ZDHHC14: variants seen among roughly 807,000 people sequenced by gnomAD.
The protein encoded by ZDHHC14 is palmitoyltransferase ZDHHC14.
A neutral mutation model predicts 47.7 loss-of-function variants in ZDHHC14; 16 were observed. That is an observed-to-expected ratio of 0.34 (90% CI 0.23 to 0.51). ZDHHC14 has a LOEUF of 0.51. Among genes scored for constraint, ZDHHC14 ranks in the 20% least tolerant of loss-of-function variants. The pLI, the probability that ZDHHC14 is intolerant of heterozygous loss-of-function variation, is 0.97. For missense variants in ZDHHC14, 515 were observed against 662.5 expected (o/e 0.78, Z 2.44); for synonymous variants, 293 against 278.9 (o/e 1.05, Z -0.50).
intron 1 of ZDHHC14, among the ~76,000 whole-genome samples, chr6:157,450,823 T>A (rs1235137188): frequency 6.6e-6 from 1 of 152,252 alleles, no homozygotes; most frequent in African/African-American, 2.4e-5. Flanking sequence ...ATATTATCTA[T>A]GAAATTCTTC....
At position 157,523,823 on chromosome 6, in the gene ZDHHC14, C is replaced by T. The variant is rs187005369; in HGVS notation, c.246-18762C>T. On this transcript the variant is annotated intron_variant, in intron 1 of 8. Transcript: ENST00000359775. ...GGCTGAGGTGGGAGGATTGCTTGAG[C>T]GCAAGAAATGGGGGCTGCAGTGGGC... Among the ~76,000 whole-genome samples the T allele has an allele frequency of 7.9e-5, 12 of 152,044 alleles. No homozygotes were observed. The South Asian group carries it at 8.3e-4, about 11-fold the overall frequency.
chr6:157,617,092 A>G (rs1562510371), intron 3 of ZDHHC14, among the ~76,000 whole-genome samples: 1 of 152,230 alleles, frequency 6.6e-6, no homozygotes, highest in Non-Finnish European at 1.5e-5. Flanking sequence ...GAATCTGAGC[A>G]TATACAGGGG....
intron 1 of ZDHHC14, among the ~76,000 whole-genome samples, chr6:157,478,628 A>G (rs1237397136): frequency 6.6e-6 from 1 of 152,194 alleles, no homozygotes; most frequent in East Asian, 1.9e-4. Context: ...GAGGGGTTCC[A>G]AGAAGGAATG....
intron 1 of ZDHHC14, among the ~76,000 whole-genome samples, chr6:157,419,744 A>G (rs1156913244): frequency 6.6e-6 from 1 of 152,242 alleles, no homozygotes; most frequent in African/African-American, 2.4e-5. Context: ...ATTTTTGGCA[A>G]TTATGAATGA....
intron 1 of ZDHHC14, among the ~76,000 whole-genome samples, chr6:157,516,374 A>G (rs906838253): frequency 6.6e-6 from 1 of 152,146 alleles, no homozygotes; most frequent in Non-Finnish European, 1.5e-5. Flanking sequence ...AGGTAATTTT[A>G]TCTCAGAATT....
intron 1 of ZDHHC14, among the ~76,000 whole-genome samples, chr6:157,465,612 A>G (rs1779193136): frequency 6.6e-6 from 1 of 152,122 alleles, no homozygotes; most frequent in Admixed American, 6.5e-5. Flanking sequence ...CTAAAAAAAA[A>G]AAAGAAATCT....
At chr6:157,517,899 GC>G (rs1405477268) in intron 1 of ZDHHC14, among the ~76,000 whole-genome samples, 1 of 152,194 alleles carries the variant, frequency 6.6e-6, no homozygotes, top group African/African-American at 2.4e-5. Context: ...CCTAGGCATT[GC>G]CTGTGATCTG....
intron 1 of ZDHHC14, among the ~76,000 whole-genome samples, chr6:157,419,933 C>A (rs190847593): frequency 6.6e-6 from 1 of 152,352 alleles, no homozygotes; most frequent in East Asian, 1.9e-4. Context: ...TGCTGCTCCA[C>A]ATCCTTGTCA....
chr6:157,557,607 T>C (rs900652591), intron 2 of ZDHHC14, among the ~76,000 whole-genome samples: 2 of 152,212 alleles, frequency 1.3e-5, no homozygotes, highest in Non-Finnish European at 2.9e-5. Context: ...TGGTTGTCCT[T>C]ATTTGCAAAT....
At chr6:157,395,453 A>C (rs1453382326) in intron 1 of ZDHHC14, among the ~76,000 whole-genome samples, 1 of 151,396 alleles carries the variant, frequency 6.6e-6, no homozygotes, top group African/African-American at 2.4e-5. Flanking sequence ...GGTGTGAGCC[A>C]CCACACCTAG....
chr6:157,634,023 T>C (rs1264894748), intron 5 of ZDHHC14, among the ~76,000 whole-genome samples: 2 of 152,188 alleles, frequency 1.3e-5, no homozygotes, highest in East Asian at 3.8e-4. Context: ...AAAGTCAACC[T>C]GCCATGTCCC....
At chr6:157,478,854 T>C (rs977573334) in intron 1 of ZDHHC14, among the ~76,000 whole-genome samples, 2 of 152,248 alleles carry the variant, frequency 1.3e-5, no homozygotes, top group African/African-American at 4.8e-5. Context: ...TACCATTTCA[T>C]TTAAGATGTT....
intron 1 of ZDHHC14, among the ~76,000 whole-genome samples, chr6:157,510,567 C>T (rs748973305): frequency 3.9e-5 from 6 of 152,260 alleles, no homozygotes; most frequent in Non-Finnish European, 8.8e-5. Context: ...TTCTCAACTT[C>T]TTTGCTGCTG....
intron 3 of ZDHHC14, among the ~76,000 whole-genome samples, chr6:157,626,890 T>TGGGGGG (rs113464326): frequency 3.0e-5 from 4 of 135,266 alleles, no homozygotes; most frequent in Non-Finnish European, 3.2e-5. Context: ...CTTTTCCAGC[T>TGGGGGG]GGGGGGGGGG....
chr6:157,623,178 G>T (rs943028108), intron 3 of ZDHHC14, among the ~76,000 whole-genome samples: 1 of 152,126 alleles, frequency 6.6e-6, no homozygotes, highest in African/African-American at 2.4e-5. Flanking sequence ...TAGGCTTTGT[G>T]TCCCCACCCA....
Position 157,382,002 on chromosome 6 carries a change from C to T in ZDHHC14, c.-20C>T, listed in dbSNP as rs1777221489. 2 of 1,389,258 alleles carry T rather than the reference C, an allele frequency of 1.4e-6. No homozygotes were observed. Among genetic ancestry groups the T allele is most frequent in the East Asian group, 3.1e-5 (1 of 32,774 alleles). 86.1% of individuals were successfully genotyped at this position (1,389,258 alleles called of 1,614,324 possible). ...GGGGGGCTCCTGGGGGTGTGCGCCC[C>T]CAGCCGGCTGCCCTCGTGGATGCCT... On this transcript the variant is annotated 5_prime_UTR_variant, in exon 1 of 9. Transcript: ENST00000359775.
At chr6:157,515,178 G>A (rs1780636689) in intron 1 of ZDHHC14, among the ~76,000 whole-genome samples, 2 of 152,284 alleles carry the variant, frequency 1.3e-5, no homozygotes, top group South Asian at 4.2e-4. Flanking sequence ...GCCAGCCACG[G>A]CGAGTACTAA....
At chr6:157,662,451 G>C (rs1223301535) in intron 8 of ZDHHC14, among the ~76,000 whole-genome samples, 1 of 152,232 alleles carries the variant, frequency 6.6e-6, no homozygotes, top group Admixed American at 6.5e-5. Context: ...CAAAGTGCTG[G>C]GATTACAGGC....
At chr6:157,473,466 C>T (rs921308268) in intron 1 of ZDHHC14, among the ~76,000 whole-genome samples, 1 of 152,196 alleles carries the variant, frequency 6.6e-6, no homozygotes, top group Admixed American at 6.5e-5. Flanking sequence ...TCCAGATTCA[C>T]CTGTGTCGTT....
Sources: allele counts gnomAD v4.1 joint callset (sites outside exome capture counted in the v4.1 genomes callset), GRCh38; gene constraint gnomAD v4.1.1; transcripts MANE v1.5; gene names NCBI Gene and HGNC (gene_info 2026-07-23, HGNC 2026-07-21).